Variants in GBX2 observed in about 807,000 individuals in gnomAD.
The protein encoded by GBX2 is homeobox protein GBX-2.
GBX2 carries 5 observed loss-of-function variants against 22.4 expected under a neutral mutation model. The ratio of observed to expected loss-of-function variants is 0.22; its 90% CI spans 0.12 to 0.47. The LOEUF (loss-of-function observed/expected upper bound fraction) is 0.47. Among genes scored for constraint, GBX2 ranks in the 20% least tolerant of loss-of-function variants. The pLI, the probability that GBX2 is intolerant of heterozygous loss-of-function variation, is 0.99. For missense variants in GBX2, 470 were observed against 495.4 expected (o/e 0.95, Z 0.49); for synonymous variants, 220 against 230.5 (o/e 0.95, Z 0.41).
At position 236,166,250 on chromosome 2, in the gene GBX2, G is replaced by T; in HGVS notation, c.711C>A (p.Ala237=). ...TGCCCGTAGACGTGGTGCTGCCCGC[G>T]GCGCCGCTGCTCGGCGGGGTCTCCT... ...ALEETPPSSG[A]AGSTTSTGKN... is the part of the protein sequence containing the mutation. The change falls in exon 2 of 2, where the codon GCC becomes GCA. Residue 237 remains alanine, a synonymous_variant. Transcript: ENST00000306318. This position sits in a 1 kb window ranked among gnomAD's most constrained non-coding sequence, Gnocchi z 6.6. 6.2e-7 allele frequency: 1 copy of T among 1,613,562 alleles called. No individual in the cohort carries two copies. Among genetic ancestry groups the T allele is most frequent in the Non-Finnish European group, 8.5e-7 (1 of 1,179,932 alleles).
Position 236,167,711 on chromosome 2 carries a change from G to C in GBX2, c.261C>G (p.Pro87=). The C allele has an allele frequency of 6.4e-7, 1 of 1,565,576 alleles. No homozygotes were observed. The highest frequency in any genetic ancestry group is 8.6e-7 in the Non-Finnish European group (1 of 1,159,220). ...AHPHHQIPSL[P]TGFCSSLAQG... ...GCGCCAGGCTGGAGCAGAAGCCTGT[G>C]GGCAGGCTGGGGATCTGGTGGTGAG... Residue 87 remains proline, a synonymous_variant, in exon 1 of 2, where the codon CCC becomes CCG. Coordinates refer to ENST00000306318, the MANE Select transcript of GBX2 (RefSeq NM_001485.4).
At chr2:236,164,628 C>T (rs56339446), downstream of GBX2, among the ~76,000 whole-genome samples, 1 of 151,966 alleles carries the variant, frequency 6.6e-6, no homozygotes, top group Admixed American at 6.5e-5. Context: ...TGGGGCGGTG[C>T]CCGGGTCCCG....
downstream of GBX2, among the ~76,000 whole-genome samples, chr2:236,163,883 C>T (rs1278636080): frequency 6.6e-6 from 1 of 152,158 alleles, no homozygotes; most frequent in Non-Finnish European, 1.5e-5. Context: ...GCCATCCCCT[C>T]CCTGCCAGGC....
In GBX2 at chr2:236,166,523, C is replaced by A; in HGVS notation, c.524-86G>T. On this transcript the variant is annotated intron_variant, in intron 1 of 1. Coordinates refer to ENST00000306318, the MANE Select transcript of GBX2 (RefSeq NM_001485.4). This position sits in a 1 kb window ranked among gnomAD's most constrained non-coding sequence, Gnocchi z 6.6. ...CCCACCGTCATTTGGACATTCCGCG[C>A]CCCCCGCCCCCCACCCTTTAGCGGA... 4.3e-6 allele frequency: 5 copies of A among 1,153,274 alleles called. No individual in the cohort carries two copies. The highest frequency in any genetic ancestry group is 2.8e-5 in the South Asian group (2 of 71,502). 71.4% of individuals were successfully genotyped at this position (1,153,274 alleles called of 1,614,324 possible). A position where few individuals can be genotyped will look rare whatever the true frequency, so the allele number is the denominator to read the frequency against.
chr2:236,166,141 A>C lies in GBX2; in HGVS notation c.820T>G (p.Leu274Val). ...KEFHCKKYLS[L>V]TERSQIAHAL... ...TGGGCGATCTGCGAGCGCTCGGTCA[A>C]GGAGAGGTACTTTTTGCAGTGGAAC... The change falls in exon 2 of 2, where the codon TTG (leucine) becomes GTG (valine). Residue 274 changes from leucine (L) to valine (V), a missense_variant. By Grantham distance (32) the Leu-to-Val change is conservative. Around this residue, in one of 4 missense-constraint regions of GBX2, gnomAD observed 40 missense variants for 55.1 expected, o/e 0.73. Transcript: ENST00000306318. The surrounding 1 kb of genome is among the most constrained non-coding windows in gnomAD (Gnocchi z 6.6). 6.2e-7 allele frequency: 1 copy of C among 1,614,180 alleles called. No individual in the cohort carries two copies. Among genetic ancestry groups the C allele is most frequent in the Non-Finnish European group, 8.5e-7 (1 of 1,180,040 alleles).
chr2:236,164,830 C>T (rs1488986512), downstream of GBX2, among the ~76,000 whole-genome samples: 1 of 152,110 alleles, frequency 6.6e-6, no homozygotes, highest in Non-Finnish European at 1.5e-5. Context: ...CTTTTCGGGC[C>T]GGAGATATTT....
At position 236,167,896 on chromosome 2, in the gene GBX2, A is replaced by G. The variant is rs2106251709; in HGVS notation, c.76T>C (p.Ser26Pro). The change falls in exon 1 of 2, where the codon TCG becomes CCG. Residue 26 changes from serine to proline, a missense_variant. By Grantham distance (74) the Ser-to-Pro change is moderately conservative (BLOSUM62 -1). Transcript: ENST00000306318. ...LGSSTAFSIDSLIGSPPQPSP... is the reference protein window; with the variant it reads ...LGSSTAFSIDPLIGSPPQPSP... Reference sequence around the variant, plus strand: ...GGCTGCGGCGGGCTGCCGATCAGCGAGTCTATGCTGAAGGCGGTGCTACTC... The same window carrying G: ...GGCTGCGGCGGGCTGCCGATCAGCGGGTCTATGCTGAAGGCGGTGCTACTC... 1 of 1,559,042 alleles carries G rather than the reference A, an allele frequency of 6.4e-7. No individual in the cohort carries two copies.
In GBX2 at chr2:236,166,563, C is replaced by T. The variant is rs1180526342; in HGVS notation, c.524-126G>A. ...CCTTTAGCGGATTGTCTTTCTATGACATTAACACATTGTGATTTCCTGGCC... is the reference window on the plus strand; with the variant it reads ...CCTTTAGCGGATTGTCTTTCTATGATATTAACACATTGTGATTTCCTGGCC... On this transcript the variant is annotated intron_variant, in intron 1 of 1. Coordinates refer to ENST00000306318, the MANE Select transcript of GBX2 (RefSeq NM_001485.4). This position sits in a 1 kb window ranked among gnomAD's most constrained non-coding sequence, Gnocchi z 6.6. The T allele has an allele frequency of 5.9e-6, 5 of 843,990 alleles. No individual in the cohort carries two copies. The highest frequency in any genetic ancestry group is 5.2e-5 in the African/African-American group (3 of 58,000). The allele number at this position is 843,990 out of a possible 1,614,324, so 52.3% of individuals were successfully genotyped here.
In GBX2 at chr2:236,165,442, A is replaced by G. The variant is rs1466064131; in HGVS notation, c.*472T>C. The G allele has an allele frequency of 6.4e-6, 1 of 156,310 alleles. No individual in the cohort carries two copies. Among genetic ancestry groups the G allele is most frequent in the African/African-American group, 2.4e-5 (1 of 41,504 alleles). The allele number at this position is 156,310 out of a possible 1,614,324, so 9.7% of individuals were successfully genotyped here. ...AGCAAAGCGAATTTCCAGGCTGCCT[A>G]ACAATGTCTGCTTTTCAGTCAACTC... is the stretch of plus-strand genomic sequence containing the variant. On this transcript the variant is annotated 3_prime_UTR_variant, in exon 2 of 2. Coordinates refer to ENST00000306318, the MANE Select transcript of GBX2 (RefSeq NM_001485.4).
downstream of GBX2, among the ~76,000 whole-genome samples, chr2:236,162,065 A>C (rs963210407): frequency 6.6e-6 from 1 of 152,242 alleles, no homozygotes; most frequent in South Asian, 2.1e-4. Flanking sequence ...GCTTCACCAG[A>C]TGCAGCTGAA....
downstream of GBX2, among the ~76,000 whole-genome samples, chr2:236,164,442 A>G (rs2060226790): frequency 6.6e-6 from 1 of 152,088 alleles, no homozygotes. Context: ...GCGAGCGGAC[A>G]GGGCTCTGAG....
At chr2:236,164,274 C>G (rs1226436683), downstream of GBX2, among the ~76,000 whole-genome samples, 1 of 152,214 alleles carries the variant, frequency 6.6e-6, no homozygotes, top group Non-Finnish European at 1.5e-5. Flanking sequence ...CCGGCCTCCC[C>G]TCCTTCCCCC....
rs545073704 is a variant in GBX2, at chr2:236,167,783, G to GGGCGGCGGC, written c.180_188dup (p.Pro61_Pro63dup). The stretch of plus-strand genomic sequence containing the variant: ...GCTGCAGCGCGGCCTGGGGCAGCGC[G>GGGCGGCGGC]GGCGGCGGCGGCGGCGGCGGCGGCA... On this transcript the variant is annotated inframe_insertion, in exon 1 of 2. Transcript: ENST00000306318. The GGGCGGCGGC allele has an allele frequency of 1.6e-5, 22 of 1,406,924 alleles. No homozygotes were observed. The South Asian group carries it at 2.2e-4, about 14-fold the overall frequency. 87.2% of individuals were successfully genotyped at this position (1,406,924 alleles called of 1,614,324 possible). A position where few individuals can be genotyped will look rare whatever the true frequency, so the allele number is the denominator to read the frequency against.
chr2:236,164,273 C>T (rs1259059996), downstream of GBX2, among the ~76,000 whole-genome samples: 1 of 152,200 alleles, frequency 6.6e-6, no homozygotes, highest in Non-Finnish European at 1.5e-5. Context: ...ACCGGCCTCC[C>T]CTCCTTCCCC....
rs1003861537 is a variant in GBX2 at position 236,168,128 on chromosome 2, C to G, written c.-157G>C. ...CCTCCGCCCCTCAGTCCTGGGCCCG[C>G]TGCATGCCGGGCGGGTGCAGGGGGT... On this transcript the variant is annotated 5_prime_UTR_variant, in exon 1 of 2. Transcript: ENST00000306318. 27 of 740,370 alleles carry G rather than the reference C, an allele frequency of 3.6e-5. No individual in the cohort carries two copies. The African/African-American group carries it at 5.0e-4, about 14-fold the overall frequency. 45.9% of individuals were successfully genotyped at this position (740,370 alleles called of 1,614,324 possible). A position where few individuals can be genotyped will look rare whatever the true frequency, so the allele number is the denominator to read the frequency against.
chr2:236,162,760 A>G (rs1326642729), downstream of GBX2, among the ~76,000 whole-genome samples: 1 of 152,218 alleles, frequency 6.6e-6, no homozygotes. Context: ...CTGCAGATGT[A>G]AGTGGAATTT....
downstream of GBX2, among the ~76,000 whole-genome samples, chr2:236,162,065 A>G (rs963210407): frequency 9.2e-5 from 14 of 152,242 alleles, no homozygotes; most frequent in Non-Finnish European, 1.5e-4. Flanking sequence ...GCTTCACCAG[A>G]TGCAGCTGAA....
At position 236,166,100 on chromosome 2, in the gene GBX2, G is replaced by C. The variant is rs369589992; in HGVS notation, c.861C>G (p.Ser287Arg). 1.9e-6 allele frequency: 3 copies of C among 1,614,082 alleles called. No homozygotes were observed. The highest frequency in any genetic ancestry group is 2.5e-6 in the Non-Finnish European group (3 of 1,180,046). Residue 287 changes from serine (S) to arginine (R), a missense_variant, in exon 2 of 2, where the codon AGC becomes AGG. Transcript: ENST00000306318. The surrounding 1 kb of genome is among the most constrained non-coding windows in gnomAD (Gnocchi z 6.6). ...GGAACCAGATTTTCACCTGCACCTC[G>C]CTGAGTTTGAGGGCGTGGGCGATCT... Reference protein sequence around the residue: ...RSQIAHALKLSEVQVKIWFQN... With the variant: ...RSQIAHALKLREVQVKIWFQN...
chr2:236,167,345 CGGG>C (rs2060246015), intron 1 of GBX2, 101 bp downstream of exon 1: 1 of 1,373,804 alleles, frequency 7.3e-7, no homozygotes, highest in African/African-American at 1.5e-5. Flanking sequence ...GGGGGTCGAG[CGGG>C]GGCGCGGCCT....
Sources: allele counts gnomAD v4.1 joint callset (sites outside exome capture counted in the v4.1 genomes callset), GRCh38; gene constraint gnomAD v4.1.1; regional missense constraint gnomAD v4.1.1; non-coding constraint Gnocchi (gnomAD v3.1); transcripts MANE v1.5; gene names NCBI Gene and HGNC (gene_info 2026-07-23, HGNC 2026-07-21).